The following UCMA variants were observed in gnomAD, a reference collection of about 807,000 sequenced individuals.
UCMA encodes upper zone of growth plate and cartilage matrix associated, also known as upper zone of growth plate and cartilage matrix-associated protein.
UCMA carries 21 observed loss-of-function variants against 21.8 expected under a neutral mutation model. The ratio of observed to expected loss-of-function variants is 0.97; its 90% CI spans 0.68 to 1.39. UCMA has a LOEUF of 1.39. UCMA is among the 40% of genes most tolerant of loss of function. The probability of loss-of-function intolerance (pLI) is 0.00; values close to 1 mark genes in which losing one functional copy is unlikely to be tolerated. For synonymous variants in UCMA, 76 were observed against 67.9 expected, an observed-to-expected ratio of 1.12 and a Z score of -0.58; for missense variants, 193 against 178.9, an observed-to-expected ratio of 1.08 and a Z score of -0.45.
At chr10:13,232,685 G>A (rs1834914510) in intron 3 of UCMA, among the ~76,000 whole-genome samples, 4 of 152,116 alleles carry the variant, frequency 2.6e-5, no homozygotes, top group Admixed American at 2.6e-4. Flanking sequence ...TACCAAGCAA[G>A]TCACCTTGCT....
At position 13,222,054 on chromosome 10, in the gene UCMA, T is replaced by C. The variant is rs777873479; in HGVS notation, c.*49A>G. Reference sequence around the variant, plus strand: ...GGGAAAGATTGCTGGAACACGGGGATGCCAATGGTGCTACAAGCTTTGTCT... The same window carrying C: ...GGGAAAGATTGCTGGAACACGGGGACGCCAATGGTGCTACAAGCTTTGTCT... On this transcript the variant is annotated 3_prime_UTR_variant, in exon 5 of 5. Coordinates refer to ENST00000378681, the MANE Select transcript of UCMA (RefSeq NM_145314.3). 2.5e-6 allele frequency: 4 copies of C among 1,597,524 alleles called. No individual in the cohort carries two copies. Among genetic ancestry groups the C allele is most frequent in the Non-Finnish European group, 2.6e-6 (3 of 1,165,344 alleles).
rs188551449 is a variant in UCMA, at chr10:13,228,968, T to C, written c.319+643A>G. 1.6e-4 allele frequency among the ~76,000 whole-genome samples: 24 copies of C among 152,140 alleles called. No homozygotes were observed. In the East Asian group the frequency reaches 4.3e-3, roughly 27 times the overall value. ...TTATTTTTTTGATATGGAGTTTCAC[T>C]CTTGTTGCCCAGGCTGGAGTGAAGT... On this transcript the variant is annotated intron_variant, in intron 4 of 4. Transcript: ENST00000378681.
At chr10:13,231,063 TAAAC>T (rs547272207) in intron 3 of UCMA, among the ~76,000 whole-genome samples, 4,317 of 107,600 alleles carry the variant, frequency 0.04, 184 homozygotes, top group East Asian at 0.19. Context: ...AATAAATAAA[TAAAC>T]AAACAAACCA....
At chr10:13,228,206 T>G (rs184047515) in intron 4 of UCMA, among the ~76,000 whole-genome samples, 3 of 152,090 alleles carry the variant, frequency 2.0e-5, no homozygotes, top group East Asian at 1.9e-4. Flanking sequence ...ACTACAGGTG[T>G]GCACCATCAC....
intron 4 of UCMA, among the ~76,000 whole-genome samples, chr10:13,223,943 A>G (rs1834791972): frequency 6.6e-6 from 1 of 152,138 alleles, no homozygotes; most frequent in East Asian, 1.9e-4. Context: ...TTATGAATGC[A>G]GTTTCTGTAT....
intron 4 of UCMA, among the ~76,000 whole-genome samples, chr10:13,227,896 C>T (rs1834845166): frequency 6.6e-6 from 1 of 151,794 alleles, no homozygotes; most frequent in Non-Finnish European, 1.5e-5. Context: ...GGCAGTGGCT[C>T]AAAGACAGAG....
chr10:13,229,728 C>A lies in UCMA; in HGVS notation c.221-19G>T, dbSNP rs749032485. On this transcript the variant is annotated intron_variant, in intron 3 of 4. Transcript: ENST00000378681. ...TTTTCCACTGTGAAAGGAAAAGAAG[C>A]AAGAGTTGCCCCTCAAGAATGAGGA... 2 of 1,610,140 alleles carry A rather than the reference C, an allele frequency of 1.2e-6. No individual in the cohort carries two copies.
chr10:13,224,022 G>A (rs906062503), intron 4 of UCMA, among the ~76,000 whole-genome samples: 2 of 152,110 alleles, frequency 1.3e-5, no homozygotes, highest in African/African-American at 2.4e-5. Flanking sequence ...CTGCTGAATC[G>A]TATGCTTAAA....
intron 3 of UCMA, among the ~76,000 whole-genome samples, chr10:13,230,065 C>T (rs1834878381): frequency 1.3e-5 from 2 of 152,218 alleles, no homozygotes; most frequent in African/African-American, 4.8e-5. Context: ...ACAACTTAAT[C>T]TCACATCCAT....
At chr10:13,230,702 A>T (rs1834886846) in intron 3 of UCMA, among the ~76,000 whole-genome samples, 1 of 152,220 alleles carries the variant, frequency 6.6e-6, no homozygotes, top group Admixed American at 6.5e-5. Context: ...CCCTACCCCC[A>T]ACCCACATTA....
rs754265115 is a variant in UCMA at position 13,233,744 on chromosome 10, C to T, written c.115G>A (p.Ala39Thr). The change falls in exon 2 of 5, where the codon GCG (alanine) becomes ACG (threonine). Residue 39 changes from alanine to threonine, a missense_variant. Coordinates refer to ENST00000378681, the MANE Select transcript of UCMA (RefSeq NM_145314.3). ...TGGCCCCTGCACTCACCTTCACTCG[C>T]CTCTTCTCCCGCCATCTGCATGGTG... ...VGTMQMAGEE[A>T]SEDAKQKIFM... The T allele has an allele frequency of 8.7e-6, 14 of 1,614,036 alleles. No homozygotes were observed. The highest frequency in any genetic ancestry group is 1.2e-5 in the Non-Finnish European group (14 of 1,180,030).
At chr10:13,233,288 C>G (rs1834923208) in intron 3 of UCMA, among the ~76,000 whole-genome samples, 1 of 152,240 alleles carries the variant, frequency 6.6e-6, no homozygotes, top group South Asian at 2.1e-4. Flanking sequence ...ACAAGAGGAC[C>G]TGTCTCCAAG....
chr10:13,224,986 C>A (rs1834805687), intron 4 of UCMA, among the ~76,000 whole-genome samples: 1 of 152,190 alleles, frequency 6.6e-6, no homozygotes, highest in Non-Finnish European at 1.5e-5. Flanking sequence ...ATTTCTCAAG[C>A]TCAGTAGACG....
chr10:13,226,333 C>T (rs986580050), intron 4 of UCMA, among the ~76,000 whole-genome samples: 1 of 151,966 alleles, frequency 6.6e-6, no homozygotes, highest in Non-Finnish European at 1.5e-5. Context: ...GCTGGGACTA[C>T]AGGCACATGC....
At chr10:13,227,743 T>TAC (rs55831241) in intron 4 of UCMA, among the ~76,000 whole-genome samples, 31,614 of 110,560 alleles carry the variant, frequency 0.29, 4,745 homozygotes, top group Non-Finnish European at 0.31. Flanking sequence ...GGAAAGGAAA[T>TAC]ACACACACAC....
At chr10:13,234,174 C>T (rs766903189) in intron 1 of UCMA, 27 bp downstream of exon 1, 3 of 1,597,556 alleles carry the variant, frequency 1.9e-6, no homozygotes, top group Admixed American at 1.7e-5. Context: ...TAACTAACAC[C>T]CTCCACCTTG....
At position 13,233,806 on chromosome 10, in the gene UCMA, G is replaced by C; in HGVS notation, c.59-6C>G. Reference sequence around the variant, plus strand: ...ACTGGTTCCCTCTCTCAGCACTGCAGGACAAGGGCACAGAGTGAGGCTGCA... The same window carrying C: ...ACTGGTTCCCTCTCTCAGCACTGCACGACAAGGGCACAGAGTGAGGCTGCA... On this transcript the variant is annotated splice_region_variant and splice_polypyrimidine_tract_variant and intron_variant, in intron 1 of 4. Transcript: ENST00000378681. The C allele has an allele frequency of 6.2e-7, 1 of 1,613,732 alleles. No individual in the cohort carries two copies. The highest frequency in any genetic ancestry group is 2.2e-5 in the East Asian group (1 of 44,810).
chr10:13,222,708 T>G (rs1461822754), intron 4 of UCMA, among the ~76,000 whole-genome samples: 1 of 152,068 alleles, frequency 6.6e-6, no homozygotes, highest in Non-Finnish European at 1.5e-5. Context: ...TGTTTTGTTT[T>G]GAGACGGGGT....
chr10:13,233,672 G>A, intron 2 of UCMA, 39 bp from the exon 3 acceptor site: 1 of 1,613,544 alleles, frequency 6.2e-7, no homozygotes, highest in Middle Eastern at 1.6e-4. Flanking sequence ...CAGTGTGGGG[G>A]TGCTGGGGCT....
Sources: allele counts gnomAD v4.1 joint callset (sites outside exome capture counted in the v4.1 genomes callset), GRCh38; gene constraint gnomAD v4.1.1; transcripts MANE v1.5; gene names NCBI Gene and HGNC (gene_info 2026-07-23, HGNC 2026-07-21).